Variants in RXRA observed in about 807,000 individuals in gnomAD.
The protein encoded by RXRA is retinoic acid receptor RXR-alpha.
In RXRA, 5 loss-of-function variants were observed where a neutral mutation model predicts 44.5. The observed-to-expected ratio is 0.11, with a 90% CI of 0.06 to 0.24. The LOEUF (loss-of-function observed/expected upper bound fraction) is 0.24, where lower values mean the gene tolerates loss of function less well. Ranked by LOEUF, RXRA falls within the 10% of genes least tolerant of loss-of-function variation. RXRA has a pLI of 1.00. For missense variants in RXRA, 412 were observed against 646.5 expected (o/e 0.64, Z 3.93); for synonymous variants, 291 against 271.4 (o/e 1.07, Z -0.71).
chr9:134,416,649 C>A (rs1194039507), intron 4 of RXRA, among the ~76,000 whole-genome samples: 1 of 152,152 alleles, frequency 6.6e-6, no homozygotes, highest in Admixed American at 6.5e-5. Context: ...GTCCCTCCCC[C>A]GCCCCCCGCC....
rs189129480 is a variant in RXRA at position 134,422,283 on chromosome 9, C to T, written c.910+478C>T. On this transcript the variant is annotated intron_variant, in intron 6 of 9. Coordinates refer to ENST00000481739, the MANE Select transcript of RXRA (RefSeq NM_002957.6). ...GGACGCTCCCCGCTCCCAGGACACA[C>T]TCCTACTTCCTGGGACGCTCCCCTT... is the stretch of plus-strand genomic sequence containing the variant. The T allele has an allele frequency of 2.9e-3, 3,706 of 1,289,244 alleles. 167 individuals carry two copies. In the Admixed American group the frequency reaches 0.077, roughly 27 times the overall value. The allele number at this position is 1,289,244 out of a possible 1,614,324, so 79.9% of individuals were successfully genotyped here. A position where few individuals can be genotyped will look rare whatever the true frequency, so the allele number is the denominator to read the frequency against.
At chr9:134,355,208 G>A (rs1295477744) in intron 1 of RXRA, among the ~76,000 whole-genome samples, 1 of 152,210 alleles carries the variant, frequency 6.6e-6, no homozygotes, top group Non-Finnish European at 1.5e-5. Context: ...AGGCCCAGTT[G>A]TCAGAAGCTG....
intron 1 of RXRA, among the ~76,000 whole-genome samples, chr9:134,374,624 T>C (rs1253239063): frequency 6.6e-6 from 1 of 152,176 alleles, no homozygotes; most frequent in Non-Finnish European, 1.5e-5. Context: ...TGCCGTTCCC[T>C]CTGTCTACCC....
intron 1 of RXRA, among the ~76,000 whole-genome samples, chr9:134,333,933 G>T (rs1185544688): frequency 6.6e-6 from 1 of 152,222 alleles, no homozygotes; most frequent in Non-Finnish European, 1.5e-5. Context: ...TTCCTTCCCA[G>T]CCAGAGCCCA....
At chr9:134,354,594 C>T (rs1246570975) in intron 1 of RXRA, among the ~76,000 whole-genome samples, 1 of 152,230 alleles carries the variant, frequency 6.6e-6, no homozygotes, top group Non-Finnish European at 1.5e-5. Context: ...GGTGCCTGGG[C>T]ACCAGGGCTC....
chr9:134,403,682 GA>G (rs761775747), intron 2 of RXRA: 30 of 152,622 alleles, frequency 2.0e-4, no homozygotes, highest in Non-Finnish European at 3.2e-4. Flanking sequence ...TCGGGGAGGG[GA>G]TGGGCAGCAC....
At position 134,326,637 on chromosome 9, in the gene RXRA, C is replaced by T; in HGVS notation, c.6C>T (p.Asp2=). M[D]TKHFLPLDFS... ...GGCATGAGTTAGTCGCAGACATGGA[C>T]ACCAAACATTTCCTGCCGCTCGGTG... is the stretch of plus-strand genomic sequence containing the variant. Residue 2 remains aspartate (D), a synonymous_variant, in exon 1 of 10, where the codon GAC becomes GAT. Transcript: ENST00000481739. 1.0e-6 allele frequency: 1 copy of T among 969,450 alleles called. No individual in the cohort carries two copies. Among genetic ancestry groups the T allele is most frequent in the Non-Finnish European group, 1.2e-6 (1 of 819,440 alleles). The allele number at this position is 969,450 out of a possible 1,614,324, so 60.1% of individuals were successfully genotyped here.
chr9:134,373,201 G>T (rs1364508853), intron 1 of RXRA, among the ~76,000 whole-genome samples: 1 of 152,178 alleles, frequency 6.6e-6, no homozygotes, highest in Admixed American at 6.5e-5. Context: ...AGTGTCTGGG[G>T]CCCGGGTGGG....
intron 1 of RXRA, among the ~76,000 whole-genome samples, chr9:134,383,576 G>C (rs1830677628): frequency 1.3e-5 from 2 of 152,136 alleles, no homozygotes; most frequent in African/African-American, 4.8e-5. Flanking sequence ...GTGAGGGCCG[G>C]AAGAACCCAC....
At chr9:134,387,462 C>T (rs996428740) in intron 1 of RXRA, among the ~76,000 whole-genome samples, 3 of 152,240 alleles carry the variant, frequency 2.0e-5, no homozygotes, top group African/African-American at 7.2e-5. Context: ...TGGACCATCT[C>T]GATTTTCCAA....
At chr9:134,361,365 G>A (rs1830349510) in intron 1 of RXRA, among the ~76,000 whole-genome samples, 1 of 152,154 alleles carries the variant, frequency 6.6e-6, no homozygotes, top group Admixed American at 6.5e-5. Context: ...TGTACTGAGG[G>A]CCTGCTGTGT....
chr9:134,421,730 C>G lies in RXRA; in HGVS notation c.835C>G (p.Leu279Val). ...AGCAGCCGACAAACAGCTTTTCACCCTGGTGGAGTGGGCCAAGCGGATCCC... is the reference window on the plus strand; with the variant it reads ...AGCAGCCGACAAACAGCTTTTCACCGTGGTGGAGTGGGCCAAGCGGATCCC... ...CQAADKQLFTLVEWAKRIPHF... is the reference protein window; with the variant it reads ...CQAADKQLFTVVEWAKRIPHF... The change falls in exon 6 of 10, where the codon CTG becomes GTG. Residue 279 changes from leucine (L) to valine (V), a missense_variant. Leu to Val is a conservative substitution (Grantham distance 32). This residue lies in a region of RXRA where 141 missense variants were observed against 270.8 expected (regional missense o/e 0.52). Transcript: ENST00000481739. The G allele has an allele frequency of 6.3e-7, 1 of 1,590,156 alleles. No individual in the cohort carries two copies. The highest frequency in any genetic ancestry group is 1.1e-5 in the South Asian group (1 of 89,468).
chr9:134,406,869 T>C (rs944399221), intron 2 of RXRA, among the ~76,000 whole-genome samples: 1 of 152,248 alleles, frequency 6.6e-6, no homozygotes, highest in Non-Finnish European at 1.5e-5. Flanking sequence ...CGTCTGGGGC[T>C]TTCTCTTGCC....
rs146067629 is a variant in RXRA, at chr9:134,431,923, G to A, written c.1062G>A (p.Val354=). 3 of 1,613,830 alleles carry A rather than the reference G, an allele frequency of 1.9e-6. No homozygotes were observed. The highest frequency in any genetic ancestry group is 2.7e-5 in the African/African-American group (2 of 75,076). The change falls in exon 8 of 10, where the codon GTG becomes GTA. Residue 354 remains valine (V), a synonymous_variant. Transcript: ENST00000481739. ...AIFDRVLTEL[V]SKMRDMQMDK... Reference sequence around the variant, plus strand: ...TCTGCAGGGTGCTGACGGAGCTTGTGTCCAAGATGCGGGACATGCAGATGG... The same window carrying A: ...TCTGCAGGGTGCTGACGGAGCTTGTATCCAAGATGCGGGACATGCAGATGG...
chr9:134,418,246 C>T (rs2119180216), intron 5 of RXRA, among the ~76,000 whole-genome samples: 1 of 152,286 alleles, frequency 6.6e-6, no homozygotes, highest in Non-Finnish European at 1.5e-5. Flanking sequence ...CGGGGTTGGG[C>T]AGGTGAGCTC....
intron 1 of RXRA, among the ~76,000 whole-genome samples, chr9:134,370,357 C>T (rs753468180): frequency 2.6e-5 from 4 of 152,228 alleles, no homozygotes; most frequent in Non-Finnish European, 4.4e-5. Context: ...GGGAGCACGT[C>T]AGGCCTCCCT....
intron 1 of RXRA, among the ~76,000 whole-genome samples, chr9:134,352,299 G>A (rs1830231112): frequency 6.6e-6 from 1 of 152,080 alleles, no homozygotes; most frequent in African/African-American, 2.4e-5. Context: ...GCAGGGAGGT[G>A]GTGTCTGGCC....
At chr9:134,428,266 G>C (rs892401098) in intron 6 of RXRA, among the ~76,000 whole-genome samples, 2 of 130,454 alleles carry the variant, frequency 1.5e-5, no homozygotes, top group Non-Finnish European at 3.2e-5. Context: ...CTAACCACCT[G>C]ACCCCCAGGG....
chr9:134,420,114 A>G (rs527316899), intron 5 of RXRA, among the ~76,000 whole-genome samples: 4 of 152,298 alleles, frequency 2.6e-5, no homozygotes, highest in African/African-American at 9.6e-5. Context: ...CCTGGGTACA[A>G]GGATCCCCAG....
Sources: allele counts gnomAD v4.1 joint callset (sites outside exome capture counted in the v4.1 genomes callset), GRCh38; gene constraint gnomAD v4.1.1; regional missense constraint gnomAD v4.1.1; transcripts MANE v1.5; gene names NCBI Gene and HGNC (gene_info 2026-07-23, HGNC 2026-07-21).